Variants in EPHA6 observed in about 807,000 individuals in gnomAD.
The protein encoded by EPHA6 is ephrin type-A receptor 6.
EPHA6 carries 50 observed loss-of-function variants against 112.0 expected under a neutral mutation model. That is an observed-to-expected ratio of 0.45 (90% CI 0.36 to 0.56). The LOEUF is 0.56. Among genes scored for constraint, EPHA6 ranks in the 20% least tolerant of loss-of-function variants. EPHA6 has a pLI of 0.00. For missense variants in EPHA6, 1,280 were observed against 1,417.4 expected, an observed-to-expected ratio of 0.90 and a Z score of 1.56; for synonymous variants, 529 against 490.7, an observed-to-expected ratio of 1.08 and a Z score of -1.03.
At chr3:97,726,554 T>C (rs921960273) in intron 15 of EPHA6, among the ~76,000 whole-genome samples, 8 of 152,274 alleles carry the variant, frequency 5.3e-5, no homozygotes, top group African/African-American at 1.7e-4. Flanking sequence ...ATTTTAAAGA[T>C]TGACATATTT....
intron 3 of EPHA6, among the ~76,000 whole-genome samples, chr3:97,182,861 G>A (rs543819302): frequency 5.3e-4 from 80 of 152,208 alleles, no homozygotes; most frequent in African/African-American, 1.9e-3. Flanking sequence ...CACAGCCTAT[G>A]TTTTACTGAA....
chr3:96,951,620 G>C (rs1288593843), intron 2 of EPHA6, among the ~76,000 whole-genome samples: 2 of 151,886 alleles, frequency 1.3e-5, no homozygotes, highest in African/African-American at 4.8e-5. Context: ...ATAATAACTC[G>C]AGGGAGCCAT....
chr3:96,905,065 T>G (rs540649708), intron 2 of EPHA6, among the ~76,000 whole-genome samples: 84 of 152,198 alleles, frequency 5.5e-4, no homozygotes, highest in Middle Eastern at 3.4e-3. Context: ...GCCAAAGGAA[T>G]GCAAAAAGAG....
intron 3 of EPHA6, among the ~76,000 whole-genome samples, chr3:97,162,848 T>C (rs1576597065): frequency 6.6e-6 from 1 of 152,262 alleles, no homozygotes; most frequent in East Asian, 1.9e-4. Flanking sequence ...GTGTTAGATA[T>C]CTATTTTACT....
chr3:97,418,719 T>C (rs1351562849), intron 6 of EPHA6, among the ~76,000 whole-genome samples: 2 of 152,096 alleles, frequency 1.3e-5, no homozygotes, highest in Non-Finnish European at 2.9e-5. Context: ...AACGATAGTA[T>C]AAGAAGCAAG....
Position 96,966,805 on chromosome 3 carries a change from G to A in EPHA6, c.451-20525G>A, listed in dbSNP as rs908799266. On this transcript the variant is annotated intron_variant, in intron 2 of 17. Coordinates refer to ENST00000389672, the MANE Select transcript of EPHA6 (RefSeq NM_001080448.3). ...ATGTGATTTTTCTTCTTTCTCAGGC[G>A]TATATAATTATTCATTTTTCTATTA... Among the ~76,000 whole-genome samples, 11 of 151,930 alleles carry A rather than the reference G, an allele frequency of 7.2e-5. No individual in the cohort carries two copies. The South Asian group carries it at 8.3e-4, about 11-fold the overall frequency.
chr3:96,875,133 T>C (rs2036869551), intron 2 of EPHA6, among the ~76,000 whole-genome samples: 1 of 152,002 alleles, frequency 6.6e-6, no homozygotes, highest in Non-Finnish European at 1.5e-5. Flanking sequence ...ATAATAATAA[T>C]AATAATAACA....
At chr3:96,840,389 CAA>C (rs1272074986) in intron 1 of EPHA6, among the ~76,000 whole-genome samples, 11 of 152,002 alleles carry the variant, frequency 7.2e-5, no homozygotes, top group Non-Finnish European at 1.3e-4. Context: ...TCTATGAAGT[CAA>C]GAGAGATTTC....
intron 13 of EPHA6, among the ~76,000 whole-genome samples, chr3:97,630,167 A>G (rs1278487326): frequency 6.6e-6 from 1 of 151,936 alleles, no homozygotes; most frequent in Non-Finnish European, 1.5e-5. Context: ...TTTTCTTATT[A>G]TTGAAATTAC....
intron 14 of EPHA6, among the ~76,000 whole-genome samples, chr3:97,645,503 TGGGGACTGTGGTGGGGTGG>T (rs1277189896): frequency 1.7e-5 from 2 of 116,710 alleles, no homozygotes; most frequent in East Asian, 5.4e-4. Flanking sequence ...TATCACACTC[TGGGGACTGTGGTGGGGTGG>T]GGGGAGGGGG....
rs755913345 is a variant in EPHA6, at chr3:97,703,493, C to T, written c.2785-16768C>T. 7.2e-5 allele frequency among the ~76,000 whole-genome samples: 11 copies of T among 152,078 alleles called. No individual in the cohort carries two copies. In the South Asian group the frequency reaches 1.2e-3, roughly 17 times the overall value. ...AGTTTAATGCTGTAAAAGTTGTTTA[C>T]TTAGAGCAATAATATGACAAACAGA... On this transcript the variant is annotated intron_variant, in intron 14 of 17. Transcript: ENST00000389672.
intron 2 of EPHA6, among the ~76,000 whole-genome samples, chr3:96,872,770 C>CT (rs201204924): frequency 2.7e-4 from 41 of 150,772 alleles, no homozygotes; most frequent in African/African-American, 4.9e-4. Flanking sequence ...TTTATATTTG[C>CT]TTTTTTTTTA....
chr3:97,151,845 T>C (rs1483406770), intron 3 of EPHA6, among the ~76,000 whole-genome samples: 1 of 152,010 alleles, frequency 6.6e-6, no homozygotes, highest in African/African-American at 2.4e-5. Flanking sequence ...GGTAATAATA[T>C]ATGATTATAT....
intron 14 of EPHA6, among the ~76,000 whole-genome samples, chr3:97,649,294 G>A (rs1454403853): frequency 1.3e-5 from 2 of 151,940 alleles, no homozygotes; most frequent in African/African-American, 4.8e-5. Context: ...ACCTTGTGAT[G>A]GTCACTACCA....
chr3:96,862,870 T>A (rs1393460008), intron 1 of EPHA6, among the ~76,000 whole-genome samples: 1 of 151,918 alleles, frequency 6.6e-6, no homozygotes, highest in East Asian at 1.9e-4. Context: ...TTTTAAAACA[T>A]TATGAAATTT....
At chr3:97,337,890 T>G (rs2083132852) in intron 5 of EPHA6, among the ~76,000 whole-genome samples, 1 of 152,082 alleles carries the variant, frequency 6.6e-6, no homozygotes, top group Non-Finnish European at 1.5e-5. Flanking sequence ...AGCAACTCAG[T>G]GGGTGGAGGA....
chr3:96,847,853 A>G (rs1038367801), intron 1 of EPHA6, among the ~76,000 whole-genome samples: 2 of 152,134 alleles, frequency 1.3e-5, no homozygotes, highest in African/African-American at 4.8e-5. Flanking sequence ...AGAAAGGATC[A>G]TGTTCATTCA....
intron 1 of EPHA6, among the ~76,000 whole-genome samples, chr3:96,829,949 GCA>G (rs67227502): frequency 0.038 from 5,231 of 135,980 alleles, 119 homozygotes; most frequent in Middle Eastern, 0.054. Flanking sequence ...GCGCGCGCGC[GCA>G]CACACACACA....
intron 1 of EPHA6, among the ~76,000 whole-genome samples, chr3:96,853,855 G>T (rs1266948916): frequency 6.6e-6 from 1 of 151,782 alleles, no homozygotes; most frequent in East Asian, 1.9e-4. Flanking sequence ...TGAAGTTGAT[G>T]TTACTATTTA....
Sources: allele counts gnomAD v4.1 joint callset (sites outside exome capture counted in the v4.1 genomes callset), GRCh38; gene constraint gnomAD v4.1.1; transcripts MANE v1.5; gene names NCBI Gene and HGNC (gene_info 2026-07-23, HGNC 2026-07-21).